FAM13A: variants seen among roughly 807,000 people sequenced by gnomAD.
FAM13A encodes the protein protein FAM13A.
In FAM13A, 76 loss-of-function variants were observed where a neutral mutation model predicts 129.6. The ratio of observed to expected loss-of-function variants is 0.59; its 90% CI spans 0.49 to 0.71. The LOEUF is 0.71. Ranked by LOEUF, FAM13A falls within the 30% of genes least tolerant of loss-of-function variation. The pLI, the probability that FAM13A is intolerant of heterozygous loss-of-function variation, is 0.00. For synonymous variants in FAM13A, 443 were observed against 449.9 expected (o/e 0.98, Z 0.20); for missense variants, 1,108 against 1,249.3 (o/e 0.89, Z 1.70).
In FAM13A at chr4:88,906,359, AC is replaced by A. The variant is rs775973395; in HGVS notation, c.843+19del. 7.3e-6 allele frequency: 11 copies of A among 1,501,304 alleles called. No individual in the cohort carries two copies. The African/African-American group carries it at 1.5e-4, about 21-fold the overall frequency. 93.0% of individuals were successfully genotyped at this position (1,501,304 alleles called of 1,614,324 possible). A position where few individuals can be genotyped will look rare whatever the true frequency, so the allele number is the denominator to read the frequency against. The stretch of plus-strand genomic sequence containing the variant: ...TGCTAAAGATTTCACATGGTCGCCT[AC>A]AGAGAAAACATAGTTTACCTTGGTT... On this transcript the variant is annotated intron_variant, in intron 6 of 23. Coordinates refer to ENST00000264344, the MANE Select transcript of FAM13A (RefSeq NM_014883.4).
At chr4:88,750,187 T>C (rs769971041) in intron 15 of FAM13A, among the ~76,000 whole-genome samples, 6 of 152,118 alleles carry the variant, frequency 3.9e-5, no homozygotes, top group South Asian at 2.1e-4. Flanking sequence ...AAGAGCTGAA[T>C]TGGAGAGCGC....
chr4:88,758,268 A>G (rs1329117064), intron 14 of FAM13A, among the ~76,000 whole-genome samples: 1 of 152,148 alleles, frequency 6.6e-6, no homozygotes, highest in Non-Finnish European at 1.5e-5. Flanking sequence ...AATCCCTTAA[A>G]TTTGTTAACC....
At chr4:88,773,417 C>G in intron 11 of FAM13A, among the ~76,000 whole-genome samples, 1 of 152,212 alleles carries the variant, frequency 6.6e-6, no homozygotes, top group Non-Finnish European at 1.5e-5. Flanking sequence ...GAGCTCCCAT[C>G]AAGGTAGCTG....
chr4:88,857,059 C>A (rs79679995), intron 6 of FAM13A, among the ~76,000 whole-genome samples: 5,264 of 152,252 alleles, frequency 0.035, 124 homozygotes, highest in Middle Eastern at 0.054. Flanking sequence ...CCTGTGCCAG[C>A]CACAGTGCTA....
chr4:88,964,446 ACCT>A (rs1166488050), intron 4 of FAM13A, among the ~76,000 whole-genome samples: 1 of 151,452 alleles, frequency 6.6e-6, no homozygotes, highest in Non-Finnish European at 1.5e-5. Context: ...ATTAGGAAAG[ACCT>A]CCTAGAGGAG....
chr4:88,981,138 C>T (rs1301321936), intron 4 of FAM13A, among the ~76,000 whole-genome samples: 1 of 120,416 alleles, frequency 8.3e-6, no homozygotes, highest in Non-Finnish European at 1.8e-5. Flanking sequence ...AATTAATTTA[C>T]CTATCTATAG....
At chr4:89,039,870 T>C (rs1769879605) in intron 1 of FAM13A, among the ~76,000 whole-genome samples, 1 of 151,950 alleles carries the variant, frequency 6.6e-6, no homozygotes, top group South Asian at 2.1e-4. Flanking sequence ...GAAAGATCAC[T>C]TGAGCCCAGG....
At chr4:88,993,170 C>T (rs1041919536) in intron 3 of FAM13A, among the ~76,000 whole-genome samples, 1 of 152,136 alleles carries the variant, frequency 6.6e-6, no homozygotes. Context: ...TTTTCCACTG[C>T]ACTATGACCT....
intron 6 of FAM13A, 111 bp from the exon 7 acceptor site, chr4:88,851,294 A>T: frequency 1.1e-6 from 1 of 888,066 alleles, no homozygotes; most frequent in Non-Finnish European, 1.7e-6. Flanking sequence ...AATCCAATTT[A>T]TAACACCCCA....
intron 6 of FAM13A, among the ~76,000 whole-genome samples, chr4:88,904,239 C>T (rs1747777393): frequency 6.6e-6 from 1 of 152,112 alleles, no homozygotes; most frequent in Non-Finnish European, 1.5e-5. Flanking sequence ...ACCAGAAATA[C>T]CATATGACCC....
intron 5 of FAM13A, among the ~76,000 whole-genome samples, chr4:88,934,622 T>G (rs1263649683): frequency 6.6e-6 from 1 of 152,218 alleles, no homozygotes; most frequent in Admixed American, 6.5e-5. Context: ...TGGAAAGATG[T>G]GCTTCTCCTA....
At chr4:88,901,847 A>G (rs2150211508) in intron 6 of FAM13A, among the ~76,000 whole-genome samples, 1 of 152,224 alleles carries the variant, frequency 6.6e-6, no homozygotes, top group Middle Eastern at 3.4e-3. Flanking sequence ...TTAGACCACT[A>G]GCTAGACTAA....
chr4:88,794,067 C>T (rs1725699466), intron 8 of FAM13A, among the ~76,000 whole-genome samples: 1 of 151,806 alleles, frequency 6.6e-6, no homozygotes. Flanking sequence ...TGCTTTTTAC[C>T]CTCTTCGGAG....
At chr4:88,819,488 T>C (rs1323846493) in intron 7 of FAM13A, among the ~76,000 whole-genome samples, 4 of 152,196 alleles carry the variant, frequency 2.6e-5, no homozygotes, top group Non-Finnish European at 4.4e-5. Context: ...TGAGTCTTTC[T>C]ATACATAAAA....
intron 7 of FAM13A, among the ~76,000 whole-genome samples, chr4:88,823,775 C>A (rs1732516957): frequency 1.3e-5 from 2 of 152,178 alleles, no homozygotes; most frequent in South Asian, 2.1e-4. Flanking sequence ...GTTTACACTG[C>A]GGTGGTTACT....
chr4:88,753,630 CT>C, intron 14 of FAM13A: 6 of 942,144 alleles, frequency 6.4e-6, no homozygotes, highest in Non-Finnish European at 7.6e-6. Flanking sequence ...TGATTCTCTC[CT>C]TTTTCTCTCT....
intron 7 of FAM13A, among the ~76,000 whole-genome samples, chr4:88,821,873 G>C (rs185911879): frequency 3.0e-4 from 45 of 152,290 alleles, no homozygotes; most frequent in Middle Eastern, 6.8e-3. Flanking sequence ...TGTTAGTACA[G>C]TGAAGGAAAA....
chr4:88,970,433 T>TGA (rs199882814), intron 4 of FAM13A, among the ~76,000 whole-genome samples: 34 of 150,918 alleles, frequency 2.3e-4, no homozygotes, highest in African/African-American at 7.3e-4. Flanking sequence ...AGAGATGATC[T>TGA]GAGAGAGAGA....
chr4:88,926,708 TATGATCTAAAAATTGGAGCCATAAAG>T (rs777241811), intron 5 of FAM13A, among the ~76,000 whole-genome samples: 1 of 152,136 alleles, frequency 6.6e-6, no homozygotes, highest in Non-Finnish European at 1.5e-5. Flanking sequence ...AATATATGAG[TATGATCTAAAAATTGGAGCCATAAAG>T]CATTCCAAAC....
Sources: gnomAD v4.1 joint callset for allele counts (sites outside exome capture counted in the v4.1 genomes callset) on GRCh38, gnomAD v4.1.1 for gene constraint, MANE v1.5 for transcripts, NCBI Gene and HGNC (gene_info 2026-07-23, HGNC 2026-07-21) for gene names.